LRP1B: variants seen among roughly 807,000 people sequenced by gnomAD.
LRP1B encodes low-density lipoprotein receptor-related protein 1B.
Under a neutral mutation model 556.6 loss-of-function variants are expected in LRP1B, and 217 were observed. That is an observed-to-expected ratio of 0.39 (90% CI 0.35 to 0.44). The LOEUF (loss-of-function observed/expected upper bound fraction) is 0.44, where lower values mean the gene tolerates loss of function less well. Among genes scored for constraint, LRP1B ranks in the 20% least tolerant of loss-of-function variants. The pLI, the probability that LRP1B is intolerant of heterozygous loss-of-function variation, is 1.00. For synonymous variants in LRP1B, 2,047 were observed against 1,865.8 expected, an observed-to-expected ratio of 1.10 and a Z score of -2.50; for missense variants, 5,053 against 5,620.8, an observed-to-expected ratio of 0.90 and a Z score of 3.23.
intron 55 of LRP1B, 60 bp from the exon 56 acceptor site, chr2:140,495,808 G>C (rs543501930): frequency 7.1e-7 from 1 of 1,400,014 alleles, no homozygotes; most frequent in East Asian, 2.4e-5. Context: ...TTTACTTTTG[G>C]ATATCTCTTT....
chr2:141,051,424 C>A (rs151135114), intron 10 of LRP1B, among the ~76,000 whole-genome samples: 1 of 151,960 alleles, frequency 6.6e-6, no homozygotes, highest in African/African-American at 2.4e-5. Context: ...GGAACATATA[C>A]GCCGTGGAAT....
chr2:140,657,416 C>A (rs1386602215), intron 41 of LRP1B, among the ~76,000 whole-genome samples: 1 of 151,496 alleles, frequency 6.6e-6, no homozygotes, highest in East Asian at 1.9e-4. Flanking sequence ...TAGATATATA[C>A]ATTGAATAAT....
chr2:141,279,225 T>C (rs1453566465), intron 3 of LRP1B, among the ~76,000 whole-genome samples: 1 of 152,078 alleles, frequency 6.6e-6, no homozygotes, highest in Admixed American at 6.6e-5. Context: ...ATGCACCTAA[T>C]TTTTTAAATG....
At chr2:141,403,180 G>C (rs16846015) in intron 3 of LRP1B, among the ~76,000 whole-genome samples, 5,339 of 152,052 alleles carry the variant, frequency 0.035, 297 homozygotes, top group African/African-American at 0.12. Context: ...TGTCACCTAT[G>C]TAGTTGGGGA....
chr2:141,853,321 C>G (rs1322596888), intron 1 of LRP1B, among the ~76,000 whole-genome samples: 1 of 151,320 alleles, frequency 6.6e-6, no homozygotes, highest in Non-Finnish European at 1.5e-5. Context: ...TAAGTTATAA[C>G]GGTTATGAAG....
At chr2:140,766,698 T>G (rs1271092157) in intron 35 of LRP1B, among the ~76,000 whole-genome samples, 9 of 150,796 alleles carry the variant, frequency 6.0e-5, no homozygotes, top group Non-Finnish European at 8.9e-5. Flanking sequence ...CCCAGAGTAG[T>G]GAAGAAACAC....
chr2:141,670,776 A>G (rs936383784), intron 2 of LRP1B, among the ~76,000 whole-genome samples: 1 of 152,212 alleles, frequency 6.6e-6, no homozygotes, highest in Admixed American at 6.5e-5. Context: ...TCAACTGAGA[A>G]TAATTGTGAA....
intron 2 of LRP1B, among the ~76,000 whole-genome samples, chr2:141,714,968 G>A (rs1692522640): frequency 6.6e-6 from 1 of 152,102 alleles, no homozygotes; most frequent in Non-Finnish European, 1.5e-5. Flanking sequence ...TTTTATTATT[G>A]TAATGATATG....
chr2:141,069,839 C>T (rs932381159), intron 7 of LRP1B, among the ~76,000 whole-genome samples: 1 of 151,938 alleles, frequency 6.6e-6, no homozygotes, highest in Non-Finnish European at 1.5e-5. Flanking sequence ...TTTTAGGGTA[C>T]ATGTGCACAA....
intron 41 of LRP1B, among the ~76,000 whole-genome samples, chr2:140,633,835 A>C (rs1348897819): frequency 6.6e-6 from 1 of 152,176 alleles, no homozygotes; most frequent in African/African-American, 2.4e-5. Flanking sequence ...AAAGCACCAG[A>C]TCCAAGGAGT....
intron 7 of LRP1B, among the ~76,000 whole-genome samples, chr2:141,152,120 C>CT (rs1347026975): frequency 3.3e-5 from 5 of 151,552 alleles, no homozygotes; most frequent in Non-Finnish European, 4.4e-5. Context: ...TATTTCTTCT[C>CT]TTTTTTTTAA....
chr2:142,115,602 A>ACATATATATAATATATAAT (rs1707195141), intron 1 of LRP1B, among the ~76,000 whole-genome samples: 1 of 20,502 alleles, frequency 4.9e-5, no homozygotes. Flanking sequence ...TTATATATGT[A>ACATATATATAATATATAAT]ATATATATTA....
intron 21 of LRP1B, among the ~76,000 whole-genome samples, chr2:140,912,404 A>C (rs2105239892): frequency 6.6e-6 from 1 of 151,798 alleles, no homozygotes; most frequent in East Asian, 1.9e-4. Flanking sequence ...AGAAATAAGT[A>C]GTTATTAATA....
At chr2:142,049,197 T>C (rs1049610103) in intron 1 of LRP1B, among the ~76,000 whole-genome samples, 5 of 152,054 alleles carry the variant, frequency 3.3e-5, no homozygotes, top group African/African-American at 1.2e-4. Context: ...AGAAGACAGA[T>C]GGTCAACAAA....
intron 41 of LRP1B, among the ~76,000 whole-genome samples, chr2:140,659,704 A>G (rs1012741804): frequency 6.6e-6 from 1 of 152,114 alleles, no homozygotes; most frequent in Non-Finnish European, 1.5e-5. Context: ...CTCACTGGGG[A>G]GACAACATGA....
At chr2:141,925,742 T>C (rs914934308) in intron 1 of LRP1B, among the ~76,000 whole-genome samples, 1 of 152,180 alleles carries the variant, frequency 6.6e-6, no homozygotes, top group African/African-American at 2.4e-5. Flanking sequence ...TAGACATGCC[T>C]CTGGAAGCAA....
intron 20 of LRP1B, among the ~76,000 whole-genome samples, chr2:140,928,411 G>T (rs543517796): frequency 6.6e-6 from 1 of 152,150 alleles, no homozygotes; most frequent in South Asian, 2.1e-4. Flanking sequence ...TGGATCAGTA[G>T]GTGGGCTATC....
chr2:141,946,181 C>T (rs1700949924), intron 1 of LRP1B, among the ~76,000 whole-genome samples: 1 of 152,086 alleles, frequency 6.6e-6, no homozygotes. Context: ...TCTGTCTGCA[C>T]TATGATCACA....
intron 68 of LRP1B, among the ~76,000 whole-genome samples, chr2:140,375,171 G>GCA (rs1683169911): frequency 8.0e-6 from 1 of 125,334 alleles, no homozygotes; most frequent in South Asian, 2.5e-4. Context: ...TATACTGTGT[G>GCA]TATGTGTGTG....
Sources: gnomAD v4.1 joint callset for allele counts (sites outside exome capture counted in the v4.1 genomes callset) on GRCh38, gnomAD v4.1.1 for gene constraint, MANE v1.5 for transcripts, NCBI Gene and HGNC (gene_info 2026-07-23, HGNC 2026-07-21) for gene names.